The following SLC24A2 variants were observed in gnomAD, a reference collection of about 807,000 sequenced individuals.
The protein encoded by SLC24A2 is sodium/potassium/calcium exchanger 2.
In SLC24A2, 36 loss-of-function variants were observed where a neutral mutation model predicts 62.0. That is an observed-to-expected ratio of 0.58 (90% CI 0.44 to 0.77). The LOEUF (loss-of-function observed/expected upper bound fraction) is 0.77, where lower values mean the gene tolerates loss of function less well. Among genes scored for constraint, SLC24A2 ranks in the 30% least tolerant of loss-of-function variants. The pLI, the probability that SLC24A2 is intolerant of heterozygous loss-of-function variation, is 0.00. For missense variants in SLC24A2, 846 were observed against 817.9 expected (o/e 1.03, Z -0.42); for synonymous variants, 358 against 294.0 (o/e 1.22, Z -2.23).
At chr9:20,212,280 A>G in the SLC24A2 span, among the ~76,000 whole-genome samples, 1 of 151,972 alleles carries the variant, frequency 6.6e-6, no homozygotes, top group African/African-American at 2.4e-5. Flanking sequence ...AAGAAATTTT[A>G]TATACCAAAA....
intron 2 of SLC24A2, among the ~76,000 whole-genome samples, chr9:19,679,168 AC>A (rs1819641827): frequency 6.6e-6 from 1 of 152,168 alleles, no homozygotes; most frequent in South Asian, 2.1e-4. Context: ...GCAGGTTTTT[AC>A]AAGTTACAGT....
the SLC24A2 span, among the ~76,000 whole-genome samples, chr9:20,005,796 C>T: frequency 6.7e-6 from 1 of 149,874 alleles, no homozygotes; most frequent in South Asian, 2.1e-4. Context: ...CTAAAGAGAG[C>T]ATGTAAATGG....
At chr9:19,987,108 T>A in the SLC24A2 span, among the ~76,000 whole-genome samples, 1 of 152,030 alleles carries the variant, frequency 6.6e-6, no homozygotes, top group Non-Finnish European at 1.5e-5. Context: ...ACTCCTCGTG[T>A]GGAAGAGCTG....
intron 5 of SLC24A2, among the ~76,000 whole-genome samples, chr9:19,585,669 G>C (rs1294164566): frequency 1.3e-5 from 2 of 152,112 alleles, no homozygotes; most frequent in Non-Finnish European, 2.9e-5. Context: ...GTCTTTATCT[G>C]TTTATGACTT....
the SLC24A2 span, among the ~76,000 whole-genome samples, chr9:20,047,833 A>G: frequency 6.6e-6 from 1 of 151,500 alleles, no homozygotes; most frequent in African/African-American, 2.4e-5. Context: ...TTTTGGGGAG[A>G]CACAAACATT....
the SLC24A2 span, among the ~76,000 whole-genome samples, chr9:20,135,625 T>C: frequency 6.6e-6 from 1 of 152,114 alleles, no homozygotes; most frequent in African/African-American, 2.4e-5. Context: ...TAAACAATCA[T>C]GTCTCCCCTT....
intron 7 of SLC24A2, among the ~76,000 whole-genome samples, chr9:19,560,840 CTCTA>C (rs777682239): frequency 7.2e-4 from 109 of 151,640 alleles, no homozygotes; most frequent in Admixed American, 1.1e-3. Context: ...ATAGAAAGAT[CTCTA>C]TCTTTGTTCT....
the SLC24A2 span, among the ~76,000 whole-genome samples, chr9:20,184,753 G>GTA: frequency 6.6e-6 from 1 of 152,080 alleles, no homozygotes; most frequent in Non-Finnish European, 1.5e-5. Flanking sequence ...CACTGCTTGA[G>GTA]TATATATCCA....
At chr9:19,722,032 C>G (rs1821041098) in intron 2 of SLC24A2, among the ~76,000 whole-genome samples, 1 of 152,118 alleles carries the variant, frequency 6.6e-6, no homozygotes, top group South Asian at 2.1e-4. Flanking sequence ...ATTGGTTAGG[C>G]AATCCCTCCT....
intron 4 of SLC24A2, among the ~76,000 whole-genome samples, chr9:19,618,488 C>A (rs1817826157): frequency 6.6e-6 from 1 of 152,280 alleles, no homozygotes; most frequent in East Asian, 1.9e-4. Context: ...ACGCCCCATG[C>A]TCTGCAAGGA....
the SLC24A2 span, among the ~76,000 whole-genome samples, chr9:20,178,639 G>A: frequency 5.3e-5 from 8 of 152,064 alleles, no homozygotes; most frequent in African/African-American, 1.7e-4. Flanking sequence ...TGCTGATAAG[G>A]AGGAATAGAC....
chr9:19,893,070 C>T, the SLC24A2 span, among the ~76,000 whole-genome samples: 3 of 152,120 alleles, frequency 2.0e-5, no homozygotes, highest in Admixed American at 6.6e-5. Context: ...AAGAGAACTT[C>T]GTCTTTAATA....
intron 2 of SLC24A2, among the ~76,000 whole-genome samples, chr9:19,679,146 G>C (rs1418771728): frequency 6.6e-6 from 1 of 152,094 alleles, no homozygotes; most frequent in Non-Finnish European, 1.5e-5. Context: ...CATTATTATA[G>C]GCCAGCTTGT....
chr9:19,696,488 G>T (rs1418331793), intron 2 of SLC24A2, among the ~76,000 whole-genome samples: 1 of 152,162 alleles, frequency 6.6e-6, no homozygotes, highest in African/African-American at 2.4e-5. Flanking sequence ...TGGTATCCCT[G>T]AGTCTGGGAG....
At chr9:20,217,037 G>A in the SLC24A2 span, among the ~76,000 whole-genome samples, 1 of 152,110 alleles carries the variant, frequency 6.6e-6, no homozygotes, top group Non-Finnish European at 1.5e-5. Flanking sequence ...GAAGAAAAAT[G>A]TTCATGATAC....
chr9:20,177,997 A>C, the SLC24A2 span, among the ~76,000 whole-genome samples: 1 of 152,112 alleles, frequency 6.6e-6, no homozygotes, highest in Middle Eastern at 3.2e-3. Flanking sequence ...ACCTTAATTC[A>C]AGTCAATATT....
the SLC24A2 span, among the ~76,000 whole-genome samples, chr9:19,819,485 TCAAA>T: frequency 6.6e-6 from 1 of 151,784 alleles, no homozygotes; most frequent in Non-Finnish European, 1.5e-5. Flanking sequence ...TATGACGAAC[TCAAA>T]CAATCAGTAA....
At chr9:20,178,671 A>G in the SLC24A2 span, among the ~76,000 whole-genome samples, 1 of 152,158 alleles carries the variant, frequency 6.6e-6, no homozygotes, top group East Asian at 1.9e-4. Context: ...GGATAAACTT[A>G]ACAGAGCTCA....
At chr9:20,194,666 G>C in the SLC24A2 span, among the ~76,000 whole-genome samples, 1 of 152,030 alleles carries the variant, frequency 6.6e-6, no homozygotes, top group South Asian at 2.1e-4. Context: ...TTTTTCTGCA[G>C]GCTTTAGTTT....
Sources: allele counts gnomAD v4.1 joint callset (sites outside exome capture counted in the v4.1 genomes callset), GRCh38; gene constraint gnomAD v4.1.1; transcripts MANE v1.5; gene names NCBI Gene and HGNC (gene_info 2026-07-23, HGNC 2026-07-21).